Variants in C8orf74 observed in about 807,000 individuals in gnomAD.
The protein encoded by C8orf74 is uncharacterized protein C8orf74.
In C8orf74, 29 loss-of-function variants were observed where a neutral mutation model predicts 22.2. That is an observed-to-expected ratio of 1.31 (90% confidence interval 0.97 to 1.78). The LOEUF is 1.78. C8orf74 is among the 40% of genes most tolerant of loss of function. The pLI is 0.00. For missense variants in C8orf74, 515 were observed against 369.9 expected, an observed-to-expected ratio of 1.39 and a Z score of -3.22; for synonymous variants, 255 against 163.1, an observed-to-expected ratio of 1.56 and a Z score of -4.30.
chr8:10,674,884 G>T lies in C8orf74; in HGVS notation c.241+46G>T, dbSNP rs200749156. 413 of 1,509,732 alleles carry T rather than the reference G, an allele frequency of 2.7e-4. 3 individuals are homozygous for T. In the African/African-American group the frequency reaches 5.1e-3, roughly 19 times the overall value. The allele number at this position is 1,509,732 out of a possible 1,614,324, so 93.5% of individuals were successfully genotyped here. On this transcript the variant is annotated intron_variant, in intron 2 of 3. Coordinates refer to ENST00000304519, the MANE Select transcript of C8orf74 (RefSeq NM_001040032.2). ...GAGTCAGCAGAGGCTGGCGGGATGG[G>T]GTGGGTACACATAGAACTCCCCTGC...
chr8:10,673,937 C>T (rs1798969092), intron 1 of C8orf74, among the ~76,000 whole-genome samples: 1 of 151,050 alleles, frequency 6.6e-6, no homozygotes, highest in African/African-American at 2.4e-5. Context: ...CCTGCAGCCC[C>T]ATATCATACC....
At chr8:10,681,251 C>A (rs774761225) in intron 2 of C8orf74, among the ~76,000 whole-genome samples, 3 of 152,142 alleles carry the variant, frequency 2.0e-5, no homozygotes. Flanking sequence ...GCTCTCCACA[C>A]CAGGCCAGAA....
At chr8:10,678,095 A>G (rs777140182) in intron 2 of C8orf74, among the ~76,000 whole-genome samples, 1 of 152,180 alleles carries the variant, frequency 6.6e-6, no homozygotes, top group Non-Finnish European at 1.5e-5. Context: ...GACTCGAAAC[A>G]AGCTCTTAGG....
chr8:10,679,155 G>C lies in C8orf74; in HGVS notation c.241+4317G>C, dbSNP rs374230294. On this transcript the variant is annotated intron_variant, in intron 2 of 3. Transcript: ENST00000304519. ...TTCAGGTCACTCGTCTGTAAATGTG[G>C]GGCAAGAACAGCATCCACTTCACAG... Among the ~76,000 whole-genome samples, 12 of 152,242 alleles carry C rather than the reference G, an allele frequency of 7.9e-5. No homozygotes were observed. The East Asian group carries it at 1.4e-3, about 17-fold the overall frequency.
At chr8:10,688,346 A>C (rs1211342766) in intron 2 of C8orf74, 1 of 152,250 alleles carries the variant, frequency 6.6e-6, no homozygotes, top group Non-Finnish European at 1.5e-5. Context: ...TAAAAAAGAC[A>C]AAGAAAGAGA....
chr8:10,676,709 C>A (rs1453100679), intron 2 of C8orf74, among the ~76,000 whole-genome samples: 2 of 152,174 alleles, frequency 1.3e-5, no homozygotes, highest in Non-Finnish European at 2.9e-5. Flanking sequence ...ATCTCATCCC[C>A]CTCCTGCCAT....
intron 2 of C8orf74, among the ~76,000 whole-genome samples, chr8:10,690,397 A>C (rs1799351188): frequency 6.6e-6 from 1 of 152,078 alleles, no homozygotes; most frequent in South Asian, 2.1e-4. Flanking sequence ...CCAGGAGCAC[A>C]AAGGGGGCAG....
At chr8:10,683,767 C>T (rs916696052) in intron 2 of C8orf74, among the ~76,000 whole-genome samples, 1 of 152,220 alleles carries the variant, frequency 6.6e-6, no homozygotes, top group East Asian at 1.9e-4. Context: ...GGAATCCCGT[C>T]TTTCCGGTGT....
intron 2 of C8orf74, among the ~76,000 whole-genome samples, chr8:10,685,128 G>T (rs1799235081): frequency 6.6e-6 from 1 of 152,210 alleles, no homozygotes; most frequent in African/African-American, 2.4e-5. Context: ...GACTACGGTT[G>T]ACCACAGGTT....
At chr8:10,690,093 T>C (rs1331827039) in intron 2 of C8orf74, among the ~76,000 whole-genome samples, 1 of 152,198 alleles carries the variant, frequency 6.6e-6, no homozygotes, top group Non-Finnish European at 1.5e-5. Flanking sequence ...TCCCTTGCAG[T>C]GTCCACCTCC....
intron 2 of C8orf74, among the ~76,000 whole-genome samples, chr8:10,679,642 G>A (rs537515726): frequency 9.2e-5 from 14 of 152,310 alleles, no homozygotes; most frequent in African/African-American, 2.9e-4. Flanking sequence ...TGGCCCCTCC[G>A]CGTTGGGCCT....
At chr8:10,696,957 C>CAA (rs1586053271) in intron 2 of C8orf74, among the ~76,000 whole-genome samples, 1 of 97,258 alleles carries the variant, frequency 1.0e-5, no homozygotes, top group African/African-American at 1.0e-4. Context: ...CCCAGGAGTT[C>CAA]GAAAAAAAAA....
intron 3 of C8orf74, among the ~76,000 whole-genome samples, chr8:10,699,073 A>G (rs1799596033): frequency 1.3e-5 from 2 of 152,182 alleles, no homozygotes; most frequent in South Asian, 4.1e-4. Context: ...TAAAGACCCA[A>G]CAAAACCCAC....
At chr8:10,689,474 C>G (rs757479887) in intron 2 of C8orf74, 13 of 152,174 alleles carry the variant, frequency 8.5e-5, no homozygotes, top group Non-Finnish European at 1.8e-4. Context: ...TATTAAAGCT[C>G]TATTTAATCT....
chr8:10,684,912 C>T (rs1035103624), intron 2 of C8orf74, among the ~76,000 whole-genome samples: 3 of 152,126 alleles, frequency 2.0e-5, no homozygotes, highest in African/African-American at 4.8e-5. Flanking sequence ...TGAGATACGT[C>T]GACGGCCCAT....
chr8:10,691,176 G>C, intron 2 of C8orf74: 1 of 347,218 alleles, frequency 2.9e-6, no homozygotes, highest in Non-Finnish European at 5.7e-6. Flanking sequence ...TTCAGCCCAG[G>C]GACTCCTTCC....
chr8:10,695,642 C>T (rs1799475043), intron 2 of C8orf74, among the ~76,000 whole-genome samples: 1 of 152,106 alleles, frequency 6.6e-6, no homozygotes, highest in African/African-American at 2.4e-5. Context: ...CAAGAGGAAA[C>T]ATGAAGGGAA....
chr8:10,695,579 G>A (rs1170359014), intron 2 of C8orf74, among the ~76,000 whole-genome samples: 2 of 152,146 alleles, frequency 1.3e-5, no homozygotes, highest in Non-Finnish European at 2.9e-5. Flanking sequence ...GGTATTTTGG[G>A]GAGATTCAAG....
chr8:10,686,601 C>G (rs991731594), intron 2 of C8orf74: 1 of 153,984 alleles, frequency 6.5e-6, no homozygotes, highest in South Asian at 2.0e-4. Context: ...ACATGCCTAT[C>G]TTGTCTAGTC....
Sources: allele counts gnomAD v4.1 joint callset (sites outside exome capture counted in the v4.1 genomes callset), GRCh38; gene constraint gnomAD v4.1.1; transcripts MANE v1.5; gene names NCBI Gene and HGNC (gene_info 2026-07-23, HGNC 2026-07-21).